Variants in HNRNPD observed in about 807,000 individuals in gnomAD.
The protein encoded by HNRNPD is heterogeneous nuclear ribonucleoprotein D, also known as heterogeneous nuclear ribonucleoprotein D0.
Under a neutral mutation model 47.9 loss-of-function variants are expected in HNRNPD, and 3 were observed. The observed-to-expected ratio is 0.06, with a 90% CI of 0.03 to 0.16. The LOEUF (loss-of-function observed/expected upper bound fraction) is 0.16, where lower values mean the gene tolerates loss of function less well. Ranked by LOEUF, HNRNPD falls within the 10% of genes least tolerant of loss-of-function variation. The pLI is 1.00. For missense variants in HNRNPD, 287 were observed against 454.2 expected, an observed-to-expected ratio of 0.63 and a Z score of 3.35; for synonymous variants, 171 against 165.1, an observed-to-expected ratio of 1.04 and a Z score of -0.28.
chr4:82,372,761 GA>G (rs1206790286), intron 1 of HNRNPD, among the ~76,000 whole-genome samples: 1 of 152,188 alleles, frequency 6.6e-6, no homozygotes, highest in African/African-American at 2.4e-5. Flanking sequence ...GTACCAACAA[GA>G]AACTCGGAGC....
chr4:82,370,471 G>A (rs1719984072), intron 2 of HNRNPD, among the ~76,000 whole-genome samples: 1 of 152,112 alleles, frequency 6.6e-6, no homozygotes, highest in Non-Finnish European at 1.5e-5. Flanking sequence ...TGAGCTGCTA[G>A]TGCCCACCAC....
intron 7 of HNRNPD, chr4:82,356,085 T>C (rs2109988654): frequency 1.3e-5 from 2 of 154,224 alleles, no homozygotes; most frequent in Middle Eastern, 6.7e-3. Flanking sequence ...AAGTCAAGTT[T>C]TTTGGTTCTA....
At chr4:82,373,322 G>C in intron 1 of HNRNPD, 124 bp downstream of exon 1, 1 of 1,301,636 alleles carries the variant, frequency 7.7e-7, no homozygotes, top group Non-Finnish European at 1.0e-6. Context: ...GGAGACCAGT[G>C]CAAGGAGGCT....
intron 8 of HNRNPD, 136 bp downstream of exon 8, chr4:82,355,168 G>C: frequency 1.6e-6 from 1 of 636,246 alleles, no homozygotes; most frequent in Non-Finnish European, 2.8e-6. Flanking sequence ...ACATATCTTT[G>C]AAAGTCACTA....
chr4:82,373,347 A>G, intron 1 of HNRNPD, 99 bp downstream of exon 1: 1 of 1,449,810 alleles, frequency 6.9e-7, no homozygotes, highest in Non-Finnish European at 9.2e-7. Flanking sequence ...GGGGGCCCGG[A>G]GAACGGGCTG....
At chr4:82,358,868 G>C (rs767095700) in intron 3 of HNRNPD, 48 bp from the exon 4 acceptor site, 2 of 1,334,908 alleles carry the variant, frequency 1.5e-6, no homozygotes, top group Admixed American at 2.2e-5. Context: ...CTTAACTGAA[G>C]TTCAGAGACT....
At position 82,369,905 on chromosome 4, in the gene HNRNPD, G is replaced by A. The variant is rs181912842; in HGVS notation, c.290+1623C>T. Among the ~76,000 whole-genome samples, 192 of 152,322 alleles carry A rather than the reference G, an allele frequency of 1.3e-3. 2 individuals are homozygous for A. Among genetic ancestry groups the A allele is most frequent in the Middle Eastern group, 3.4e-3 (1 of 294 alleles). On this transcript the variant is annotated intron_variant, in intron 2 of 8. Coordinates refer to ENST00000313899, the MANE Select transcript of HNRNPD (RefSeq NM_031370.3). ...CGCCTGTGATTACAGCACTTGGGGA[G>A]GCCGAGGCAGGCGGATCACCTGAGG...
intron 8 of HNRNPD, 57 bp downstream of exon 8, chr4:82,355,247 A>G (rs948038576): frequency 3.2e-6 from 3 of 925,374 alleles, no homozygotes; most frequent in Non-Finnish European, 5.2e-6. Context: ...TATGAACAAT[A>G]TAGATTATAA....
rs1182626410 is a variant in HNRNPD, at chr4:82,353,188, TTTC to T, written c.*994_*996del. 9 of 152,192 alleles carry T rather than the reference TTTC, an allele frequency of 5.9e-5. No individual in the cohort carries two copies. The highest frequency in any genetic ancestry group is 1.7e-4 in the African/African-American group (7 of 41,462). 9.4% of individuals were successfully genotyped at this position (152,192 alleles called of 1,614,324 possible). ...TATCACTTAGACTCTTCAGTTTCACTTTCTTAAGAGTGACTCAAAAAGTTCCTT... is the reference window on the plus strand; with the variant it reads ...TATCACTTAGACTCTTCAGTTTCACTTTAAGAGTGACTCAAAAAGTTCCTT... On this transcript the variant is annotated 3_prime_UTR_variant, in exon 9 of 9. Coordinates refer to ENST00000313899, the MANE Select transcript of HNRNPD (RefSeq NM_031370.3).
intron 2 of HNRNPD, among the ~76,000 whole-genome samples, chr4:82,370,979 TATAC>T (rs1268451054): frequency 1.5e-4 from 12 of 78,308 alleles, no homozygotes; most frequent in Non-Finnish European, 1.9e-4. Context: ...ATGGTATATA[TATAC>T]ACACACACAC....
chr4:82,370,942 T>G (rs1720010145), intron 2 of HNRNPD, among the ~76,000 whole-genome samples: 1 of 151,190 alleles, frequency 6.6e-6, no homozygotes, highest in Non-Finnish European at 1.5e-5. Flanking sequence ...AGAGCTGTAG[T>G]GGAAAGCCAC....
chr4:82,367,026 CTT>C (rs34807755), intron 2 of HNRNPD, among the ~76,000 whole-genome samples: 3,173 of 128,078 alleles, frequency 0.025, 117 homozygotes, highest in African/African-American at 0.086. Flanking sequence ...ACACACTAGC[CTT>C]TTTTTTTTTT....
chr4:82,364,737 T>G (rs1266666485), intron 2 of HNRNPD, among the ~76,000 whole-genome samples: 3 of 152,196 alleles, frequency 2.0e-5, no homozygotes, highest in Non-Finnish European at 4.4e-5. Context: ...CCTTGATGAC[T>G]TGGTCTACCC....
intron 2 of HNRNPD, among the ~76,000 whole-genome samples, chr4:82,368,286 T>C (rs1191331198): frequency 6.6e-6 from 1 of 152,144 alleles, no homozygotes; most frequent in Non-Finnish European, 1.5e-5. Context: ...AATAGTATAC[T>C]CAAAATGTTC....
Position 82,355,340 on chromosome 4 carries a change from T to C in HNRNPD, c.1062A>G (p.Pro354=), listed in dbSNP as rs1723672049. 2.5e-6 allele frequency: 4 copies of C among 1,612,262 alleles called. No individual in the cohort carries two copies. The highest frequency in any genetic ancestry group is 2.2e-5 in the East Asian group (1 of 44,864). ...RRGGHQNSYK[P]Y ...AAGTTGCAAATGGAATAATTTAGTA[T>C]GGTTTGTAGCTATTTTGATGACCAC... Residue 354 remains proline, a synonymous_variant, in exon 8 of 9, where the codon CCA becomes CCG. Coordinates refer to ENST00000313899, the MANE Select transcript of HNRNPD (RefSeq NM_031370.3).
intron 1 of HNRNPD, 64 bp downstream of exon 1, chr4:82,373,382 G>C: frequency 6.6e-7 from 1 of 1,518,962 alleles, no homozygotes; most frequent in Non-Finnish European, 8.8e-7. Flanking sequence ...GCCTAATGGC[G>C]GGGGAATAAA....
chr4:82,364,186 TCTTCCAAC>T (rs776967256), intron 2 of HNRNPD, among the ~76,000 whole-genome samples: 1 of 152,046 alleles, frequency 6.6e-6, no homozygotes, highest in Non-Finnish European at 1.5e-5. Context: ...CCCAGGCTAG[TCTTCCAAC>T]TCCTGGGCTC....
intron 2 of HNRNPD, among the ~76,000 whole-genome samples, chr4:82,366,852 C>T (rs536641216): frequency 1.5e-4 from 23 of 151,836 alleles, no homozygotes; most frequent in Admixed American, 1.1e-3. Flanking sequence ...TGAGCCACTA[C>T]GCCTGGCCTA....
At position 82,358,704 on chromosome 4, in the gene HNRNPD, A is replaced by T; in HGVS notation, c.576T>A (p.Asp192Glu). ...KKIFVGGLSP[D>E]TPEEKIREYF... ...ACTCCCTTATTTTCTCTTCAGGTGT[A>T]TCTGGAGAAAGGCCACCAACAAAAA... The change falls in exon 4 of 9, where the codon GAT becomes GAA. Residue 192 changes from aspartate to glutamate, a missense_variant. Asp to Glu is a conservative substitution (Grantham distance 45). Coordinates refer to ENST00000313899, the MANE Select transcript of HNRNPD (RefSeq NM_031370.3). 1 of 1,612,386 alleles carries T rather than the reference A, an allele frequency of 6.2e-7. No homozygotes were observed. The highest frequency in any genetic ancestry group is 8.5e-7 in the Non-Finnish European group (1 of 1,179,856).
Sources: allele counts gnomAD v4.1 joint callset (sites outside exome capture counted in the v4.1 genomes callset), GRCh38; gene constraint gnomAD v4.1.1; transcripts MANE v1.5; gene names NCBI Gene and HGNC (gene_info 2026-07-23, HGNC 2026-07-21).